Variants in FARP1 observed in about 807,000 individuals in gnomAD.
FARP1 encodes the protein FERM, ARH/RhoGEF and pleckstrin domain protein 1, also known as FERM, ARHGEF and pleckstrin domain-containing protein 1.
In FARP1, 52 loss-of-function variants were observed where a neutral mutation model predicts 128.8. The ratio of observed to expected loss-of-function variants is 0.40; its 90% confidence interval spans 0.32 to 0.51. The LOEUF (loss-of-function observed/expected upper bound fraction) is 0.51, where lower values mean the gene tolerates loss of function less well. Ranked by LOEUF, FARP1 falls within the 20% of genes least tolerant of loss-of-function variation. The pLI, the probability that FARP1 is intolerant of heterozygous loss-of-function variation, is 0.45. For missense variants in FARP1, 1,333 were observed against 1,367.9 expected (o/e 0.97, Z 0.40); for synonymous variants, 580 against 551.8 (o/e 1.05, Z -0.72).
At chr13:98,391,116 G>A (rs1346582180) in intron 11 of FARP1, among the ~76,000 whole-genome samples, 1 of 152,158 alleles carries the variant, frequency 6.6e-6, no homozygotes, top group African/African-American at 2.4e-5. Context: ...GGAGGCGGGA[G>A]AGGACATACT....
rs1491453247 is a variant in FARP1, at chr13:98,417,455, G to GGGAAAAA, written c.1826+5421_1826+5422insGGAAAAA. 8.9e-4 allele frequency among the ~76,000 whole-genome samples: 52 copies of GGGAAAAA among 58,478 alleles called. 1 individual carries two copies. Among genetic ancestry groups the GGGAAAAA allele is most frequent in the South Asian group, 2.0e-3 (3 of 1,522 alleles). 38.4% of individuals were successfully genotyped at this position (58,478 alleles called of 152,430 possible). A position where few individuals can be genotyped will look rare whatever the true frequency, so the allele number is the denominator to read the frequency against. ...AGGAAACAGAGGCCACCAGAGGTTT[G>GGGAAAAA]AAAAAAAAAAAAAAAAAAAAAAAAA... On this transcript the variant is annotated intron_variant, in intron 16 of 26. Transcript: ENST00000319562.
At chr13:98,313,043 A>AGAT (rs1357216849) in intron 2 of FARP1, among the ~76,000 whole-genome samples, 1 of 152,144 alleles carries the variant, frequency 6.6e-6, no homozygotes, top group Non-Finnish European at 1.5e-5. Flanking sequence ...TTGGAAGCAG[A>AGAT]GTCCTTACAG....
At chr13:98,226,686 A>G (rs1881793720) in intron 2 of FARP1, among the ~76,000 whole-genome samples, 1 of 152,132 alleles carries the variant, frequency 6.6e-6, no homozygotes, top group South Asian at 2.1e-4. Context: ...AGTGGAGGAG[A>G]CCAGAACTCT....
rs1893249923 is a variant in FARP1, at chr13:98,452,539, C to T, written c.*4222C>T. ...AGGGGCATTAATTATTAATGACAAA[C>T]CCTGCAAATACAAAATAAAACCCAA... On this transcript the variant is annotated 3_prime_UTR_variant, in exon 27 of 27. Coordinates refer to ENST00000319562, the MANE Select transcript of FARP1 (RefSeq NM_005766.4). The T allele has an allele frequency of 1.3e-5, 2 of 152,650 alleles. No individual in the cohort carries two copies. Among genetic ancestry groups the T allele is most frequent in the Middle Eastern group, 6.8e-3 (2 of 294 alleles). 9.5% of individuals were successfully genotyped at this position (152,650 alleles called of 1,614,324 possible). A position where few individuals can be genotyped will look rare whatever the true frequency, so the allele number is the denominator to read the frequency against.
intron 2 of FARP1, among the ~76,000 whole-genome samples, chr13:98,231,892 A>G (rs902069702): frequency 3.9e-5 from 6 of 152,112 alleles, no homozygotes; most frequent in African/African-American, 1.4e-4. Context: ...CAATGGCACA[A>G]TCTTGGCTTA....
chr13:98,208,580 T>G (rs1489156788), intron 1 of FARP1: 1 of 152,822 alleles, frequency 6.5e-6, no homozygotes, highest in Non-Finnish European at 1.5e-5. Context: ...ATTGCCTGTC[T>G]TAGAACCCCT....
intron 2 of FARP1, among the ~76,000 whole-genome samples, chr13:98,277,362 T>G (rs1373756489): frequency 2.6e-5 from 4 of 152,160 alleles, no homozygotes; most frequent in African/African-American, 9.7e-5. Context: ...AGAAACAGGA[T>G]CTTGCTTTGT....
chr13:98,211,284 C>A (rs952801895), intron 1 of FARP1, among the ~76,000 whole-genome samples: 1 of 152,214 alleles, frequency 6.6e-6, no homozygotes, highest in Non-Finnish European at 1.5e-5. Context: ...ACCTGAGCTC[C>A]GCCTCCTGTC....
intron 1 of FARP1, among the ~76,000 whole-genome samples, chr13:98,200,814 C>CT (rs1277764473): frequency 6.6e-6 from 1 of 152,118 alleles, no homozygotes. Context: ...TCAGGAAAGT[C>CT]TTTCTGGGTG....
intron 1 of FARP1, among the ~76,000 whole-genome samples, chr13:98,145,325 A>G (rs1228816741): frequency 6.6e-6 from 1 of 152,178 alleles, no homozygotes; most frequent in Non-Finnish European, 1.5e-5. Context: ...CACTGTGGGA[A>G]TCCTTTTGAA....
At chr13:98,172,776 C>G (rs139373397) in intron 1 of FARP1, among the ~76,000 whole-genome samples, 1 of 152,256 alleles carries the variant, frequency 6.6e-6, no homozygotes, top group Non-Finnish European at 1.5e-5. Flanking sequence ...AGAAAGAATT[C>G]TTTCTCCTTG....
intron 1 of FARP1, among the ~76,000 whole-genome samples, chr13:98,160,869 G>T (rs1876833202): frequency 6.6e-6 from 1 of 151,978 alleles, no homozygotes. Context: ...AGTAGAGATA[G>T]GGTTTTGCCA....
At chr13:98,380,438 A>AT (rs1335969552) in intron 6 of FARP1, among the ~76,000 whole-genome samples, 2 of 150,976 alleles carry the variant, frequency 1.3e-5, no homozygotes, top group East Asian at 3.9e-4. Flanking sequence ...AAAAAAAAAA[A>AT]GAAGAAGAGT....
chr13:98,253,023 T>C (rs923725984), intron 2 of FARP1, among the ~76,000 whole-genome samples: 1 of 152,220 alleles, frequency 6.6e-6, no homozygotes, highest in Non-Finnish European at 1.5e-5. Context: ...TGCGTAGAAT[T>C]CCAAAGGTTG....
chr13:98,252,009 G>C (rs1007334843), intron 2 of FARP1, among the ~76,000 whole-genome samples: 2 of 144,760 alleles, frequency 1.4e-5, no homozygotes, highest in Admixed American at 7.0e-5. Context: ...CACCATGCCC[G>C]GTTATTTTTT....
At chr13:98,198,261 G>C (rs1294077589) in intron 1 of FARP1, among the ~76,000 whole-genome samples, 1 of 152,194 alleles carries the variant, frequency 6.6e-6, no homozygotes. Context: ...AGTTGATCCT[G>C]CTGTCTTTGT....
chr13:98,404,665 T>C (rs991669685), intron 13 of FARP1: 1 of 152,202 alleles, frequency 6.6e-6, no homozygotes, highest in Non-Finnish European at 1.5e-5. Flanking sequence ...AAATCTCCTA[T>C]GTTTTAGAAC....
At chr13:98,370,191 A>T (rs1456769661) in intron 5 of FARP1, among the ~76,000 whole-genome samples, 1 of 152,196 alleles carries the variant, frequency 6.6e-6, no homozygotes, top group Non-Finnish European at 1.5e-5. Flanking sequence ...TCATTTACTG[A>T]GAGAGCTTTC....
intron 2 of FARP1, among the ~76,000 whole-genome samples, chr13:98,307,300 A>T (rs1342387118): frequency 1.3e-5 from 2 of 152,200 alleles, no homozygotes; most frequent in East Asian, 3.9e-4. Flanking sequence ...TTTGAAATGT[A>T]TTGGAGGTTG....
Sources: allele counts gnomAD v4.1 joint callset (sites outside exome capture counted in the v4.1 genomes callset), GRCh38; gene constraint gnomAD v4.1.1; transcripts MANE v1.5; gene names NCBI Gene and HGNC (gene_info 2026-07-23, HGNC 2026-07-21).